MLXIP: variants seen among roughly 807,000 people sequenced by gnomAD.
MLXIP encodes MLX-interacting protein.
In MLXIP, 30 loss-of-function variants were observed where a neutral mutation model predicts 87.2. That is an observed-to-expected ratio of 0.34 (90% CI 0.26 to 0.47). The LOEUF is 0.47. Ranked by LOEUF, MLXIP falls within the 20% of genes least tolerant of loss-of-function variation. The probability of loss-of-function intolerance (pLI) is 1.00; values close to 1 mark genes in which losing one functional copy is unlikely to be tolerated. For missense variants in MLXIP, 1,002 were observed against 1,240.1 expected (o/e 0.81, Z 2.88); for synonymous variants, 530 against 514.0 (o/e 1.03, Z -0.42).
intron 1 of MLXIP, among the ~76,000 whole-genome samples, chr12:122,125,337 A>G (rs1348976032): frequency 2.0e-5 from 3 of 152,062 alleles, no homozygotes; most frequent in African/African-American, 7.2e-5. Flanking sequence ...ATCTCAAAAA[A>G]AAAAAAAATT....
rs1315489042 is a variant in MLXIP at position 122,142,863 on chromosome 12, A to C, written c.*1051A>C. Reference sequence around the variant, plus strand: ...GAAGGAAACAATGTTGGCAGGCAGCACTCTGTGGTGGTCAGCCCTCAGAGC... The same window carrying C: ...GAAGGAAACAATGTTGGCAGGCAGCCCTCTGTGGTGGTCAGCCCTCAGAGC... On this transcript the variant is annotated 3_prime_UTR_variant, in exon 17 of 17. Transcript: ENST00000319080. 6.4e-6 allele frequency: 1 copy of C among 157,276 alleles called. No individual in the cohort carries two copies. The highest frequency in any genetic ancestry group is 1.4e-5 in the Non-Finnish European group (1 of 70,950). 9.7% of individuals were successfully genotyped at this position (157,276 alleles called of 1,614,324 possible).
At position 122,137,496 on chromosome 12, in the gene MLXIP, CCT is replaced by C. The variant is rs1953114806; in HGVS notation, c.2064_2065del (p.Pro689ValfsTer39). ...CGGGACTGCCCAAACTCAGGGCAGG[CCT>C]CTCCGTGTGCATCGGAGCAGAGCCC... On this transcript the variant is annotated frameshift_variant, in exon 12 of 17. Transcript: ENST00000319080. LOFTEE classifies it high-confidence loss of function. The surrounding 1 kb of genome is among the most constrained non-coding windows in gnomAD (Gnocchi z 4.1). 6.2e-7 allele frequency: 1 copy of C among 1,613,862 alleles called. No individual in the cohort carries two copies. Among genetic ancestry groups the C allele is most frequent in the Non-Finnish European group, 8.5e-7 (1 of 1,179,882 alleles).
chr12:122,133,245 G>A lies in MLXIP; in HGVS notation c.1093-103G>A, dbSNP rs560012319. Reference sequence around the variant, plus strand: ...GTGGAGACGTGGCCTTTGTCCCTCTGTCCCAGCGCCCGGCCTGTGTAGTTG... The same window carrying A: ...GTGGAGACGTGGCCTTTGTCCCTCTATCCCAGCGCCCGGCCTGTGTAGTTG... On this transcript the variant is annotated intron_variant, in intron 8 of 16. Coordinates refer to ENST00000319080, the MANE Select transcript of MLXIP (RefSeq NM_014938.6). The surrounding 1 kb of genome is among the most constrained non-coding windows in gnomAD (Gnocchi z 4.9). 38 of 1,380,688 alleles carry A rather than the reference G, an allele frequency of 2.8e-5. No individual in the cohort carries two copies. The South Asian group carries it at 5.5e-4, about 20-fold the overall frequency. 85.5% of individuals were successfully genotyped at this position (1,380,688 alleles called of 1,614,324 possible).
chr12:122,138,069 G>A, intron 12 of MLXIP, 125 bp from the exon 13 acceptor site: 1 of 747,764 alleles, frequency 1.3e-6, no homozygotes, highest in African/African-American at 1.8e-5. Flanking sequence ...TTCTCGTCGT[G>A]CCCTCCTCCC....
Position 122,098,501 on chromosome 12 carries a change from G to A in MLXIP, c.413+19235G>A, listed in dbSNP as rs375512925. The stretch of plus-strand genomic sequence containing the variant: ...TCAGTGAGACTTAAATGTGTCCTGG[G>A]AGCTTGAGCTGCCCAGTAGGCGACC... On this transcript the variant is annotated intron_variant, in intron 1 of 16. Transcript: ENST00000319080. Among the ~76,000 whole-genome samples, 12 of 152,306 alleles carry A rather than the reference G, an allele frequency of 7.9e-5. No individual in the cohort carries two copies. The East Asian group carries it at 2.3e-3, about 29-fold the overall frequency.
In MLXIP at chr12:122,144,921, A is replaced by G. The variant is rs1387808278; in HGVS notation, c.*3109A>G. The G allele has an allele frequency of 6.6e-6, 1 of 152,252 alleles. No individual in the cohort carries two copies. Among genetic ancestry groups the G allele is most frequent in the Non-Finnish European group, 1.5e-5 (1 of 68,120 alleles). 9.4% of individuals were successfully genotyped at this position (152,252 alleles called of 1,614,324 possible). A position where few individuals can be genotyped will look rare whatever the true frequency, so the allele number is the denominator to read the frequency against. On this transcript the variant is annotated 3_prime_UTR_variant, in exon 17 of 17. Transcript: ENST00000319080. ...AAGAAGAAAAAAATAGAAAATCCAA[A>G]AAGAAAAACCAGAAGGCCTGCTGGC...
intron 1 of MLXIP, among the ~76,000 whole-genome samples, chr12:122,088,961 C>T (rs1952207815): frequency 7.2e-6 from 1 of 138,870 alleles, no homozygotes; most frequent in Non-Finnish European, 1.5e-5. Context: ...TGCCTGAGCC[C>T]AGGAGTTTGA....
At chr12:122,114,737 CTTT>C (rs1278951793) in intron 1 of MLXIP, among the ~76,000 whole-genome samples, 10 of 121,008 alleles carry the variant, frequency 8.3e-5, no homozygotes, top group Non-Finnish European at 1.0e-4. Context: ...AAGGTGACTT[CTTT>C]TTTTTTTTTT....
At chr12:122,134,229 C>T (rs930933626) in intron 9 of MLXIP, 3 of 543,116 alleles carry the variant, frequency 5.5e-6, no homozygotes, top group Admixed American at 7.9e-5. Flanking sequence ...GAGACAGTCT[C>T]TGTTGCCCAG....
chr12:122,110,191 G>A (rs116659874), intron 1 of MLXIP, among the ~76,000 whole-genome samples: 2,915 of 152,206 alleles, frequency 0.019, 97 homozygotes, highest in African/African-American at 0.067. Context: ...GGTGGCTCAC[G>A]TCTGTAATCT....
intron 1 of MLXIP, among the ~76,000 whole-genome samples, chr12:122,082,934 T>C (rs181089271): frequency 1.3e-3 from 192 of 152,354 alleles, no homozygotes; most frequent in Non-Finnish European, 2.2e-3. Flanking sequence ...AGTCCTCTTG[T>C]CTCAGCCTCT....
rs1197498078 is a variant in MLXIP at position 122,137,736 on chromosome 12, C to T, written c.2154+146C>T. The T allele has an allele frequency of 2.3e-6, 3 of 1,330,546 alleles. No homozygotes were observed. The African/African-American group carries it at 4.4e-5, about 20-fold the overall frequency. 82.4% of individuals were successfully genotyped at this position (1,330,546 alleles called of 1,614,324 possible). On this transcript the variant is annotated intron_variant, in intron 12 of 16. Coordinates refer to ENST00000319080, the MANE Select transcript of MLXIP (RefSeq NM_014938.6). This position sits in a 1 kb window ranked among gnomAD's most constrained non-coding sequence, Gnocchi z 4.1. ...GGATCAGAAATGGGCTTCTCCTTGC[C>T]CCATGCCACGAACCAGCCCTGTGGG...
Position 122,141,638 on chromosome 12 carries a change from G to T in MLXIP, c.2639-53G>T, listed in dbSNP as rs530097205. 7 of 1,598,608 alleles carry T rather than the reference G, an allele frequency of 4.4e-6. No individual in the cohort carries two copies. In the African/African-American group the frequency reaches 6.7e-5, roughly 15 times the overall value. On this transcript the variant is annotated intron_variant, in intron 16 of 16. Coordinates refer to ENST00000319080, the MANE Select transcript of MLXIP (RefSeq NM_014938.6). ...GTTGTAGGTACAAAGCCGAGTGTGC[G>T]GTGTGTGGTGGGTCTGTGTCACTGC...
At chr12:122,138,710 G>C (rs925426744) in intron 14 of MLXIP, 105 bp from the exon 15 acceptor site, 1 of 1,515,530 alleles carries the variant, frequency 6.6e-7, no homozygotes, top group Admixed American at 2.2e-5. Context: ...TCTCTTCTCT[G>C]TGCCTGGCTG....
intron 9 of MLXIP, 48 bp downstream of exon 9, chr12:122,134,035 G>T: frequency 6.6e-7 from 1 of 1,526,476 alleles, no homozygotes. Context: ...CGACCCAGAG[G>T]GATGTTTTCC....
rs189821054 is a variant in MLXIP at position 122,138,064 on chromosome 12, G to C, written c.2155-130G>C. The C allele has an allele frequency of 1.5e-3, 1,067 of 720,984 alleles. 2 individuals carry two copies. Among genetic ancestry groups the C allele is most frequent in the Middle Eastern group, 2.8e-3 (7 of 2,520 alleles). 44.7% of individuals were successfully genotyped at this position (720,984 alleles called of 1,614,324 possible). A position where few individuals can be genotyped will look rare whatever the true frequency, so the allele number is the denominator to read the frequency against. ...TCCTCATTGGAGCCTTCAGCTTCTC[G>C]TCGTGCCCTCCTCCCACGTAGCTCT... is the stretch of plus-strand genomic sequence containing the variant. On this transcript the variant is annotated intron_variant, in intron 12 of 16. Transcript: ENST00000319080.
intron 1 of MLXIP, among the ~76,000 whole-genome samples, chr12:122,120,033 G>A (rs916633172): frequency 3.3e-5 from 5 of 152,190 alleles, no homozygotes; most frequent in Admixed American, 1.3e-4. Context: ...AGCGCTATTC[G>A]CTGTAGCCCA....
At chr12:122,092,873 C>T (rs1952267142) in intron 1 of MLXIP, among the ~76,000 whole-genome samples, 1 of 152,036 alleles carries the variant, frequency 6.6e-6, no homozygotes, top group South Asian at 2.1e-4. Flanking sequence ...TGTTATGTTA[C>T]CTATCTTCGG....
chr12:122,085,320 G>A (rs548394659), intron 1 of MLXIP, among the ~76,000 whole-genome samples: 2 of 152,208 alleles, frequency 1.3e-5, no homozygotes, highest in South Asian at 2.1e-4. Flanking sequence ...TAACAGCTTC[G>A]GCACATCCTA....
Sources: allele counts gnomAD v4.1 joint callset (sites outside exome capture counted in the v4.1 genomes callset), GRCh38; gene constraint gnomAD v4.1.1; non-coding constraint Gnocchi (gnomAD v3.1); transcripts MANE v1.5; gene names NCBI Gene and HGNC (gene_info 2026-07-23, HGNC 2026-07-21).